KLF11: variants seen among roughly 807,000 people sequenced by gnomAD.
KLF11 encodes the protein Krueppel-like factor 11.
Under a neutral mutation model 29.9 loss-of-function variants are expected in KLF11, and 26 were observed. The ratio of observed to expected loss-of-function variants is 0.87; its 90% CI spans 0.64 to 1.21. KLF11 has a LOEUF of 1.21. KLF11 is among the 50% of genes most tolerant of loss of function. KLF11 has a pLI of 0.00. For missense variants in KLF11, 778 were observed against 665.7 expected, an observed-to-expected ratio of 1.17 and a Z score of -1.86; for synonymous variants, 318 against 257.4, an observed-to-expected ratio of 1.24 and a Z score of -2.25.
chr2:10,052,388 C>A lies in KLF11; in HGVS notation c.1420C>A (p.Arg474=). The A allele has an allele frequency of 6.2e-7, 1 of 1,614,112 alleles. No homozygotes were observed. The highest frequency in any genetic ancestry group is 8.5e-7 in the Non-Finnish European group (1 of 1,180,030). The stretch of plus-strand genomic sequence containing the variant: ...CAGTGACCACCTGACGAAGCATGCC[C>A]GGCGCCACATGACGACCAAGAAGAT... ...MRSDHLTKHA[R]RHMTTKKIPG... Residue 474 remains arginine, a synonymous_variant, in exon 4 of 4, where the codon CGG becomes AGG. Transcript: ENST00000305883.
rs148235172 is a variant in KLF11 at position 10,053,488 on chromosome 2, G to A, written c.*981G>A. 979 of 398,628 alleles carry A rather than the reference G, an allele frequency of 2.5e-3. 10 individuals carry two copies. Among genetic ancestry groups the A allele is most frequent in the African/African-American group, 0.019 (909 of 48,746 alleles). The allele number at this position is 398,628 out of a possible 1,614,324, so 24.7% of individuals were successfully genotyped here. The stretch of plus-strand genomic sequence containing the variant: ...CAGAAAAAAAGGAAATGTCTGTATT[G>A]GTTGGATGAAACTCCACCAGAGCAC... On this transcript the variant is annotated 3_prime_UTR_variant, in exon 4 of 4. Coordinates refer to ENST00000305883, the MANE Select transcript of KLF11 (RefSeq NM_003597.5).
intron 3 of KLF11, among the ~76,000 whole-genome samples, chr2:10,051,637 C>T (rs1275087236): frequency 6.6e-6 from 1 of 152,144 alleles, no homozygotes; most frequent in Non-Finnish European, 1.5e-5. Context: ...CCTGCCTTAG[C>T]CTCCCAAGTA....
chr2:10,043,821 G>T, intron 1 of KLF11, 63 bp downstream of exon 1: 9 of 1,308,670 alleles, frequency 6.9e-6, no homozygotes, highest in East Asian at 4.5e-5. Context: ...CGGGGGAAGT[G>T]GTGCGGCACT....
chr2:10,043,981 C>G (rs1661083052), intron 1 of KLF11: 1 of 869,666 alleles, frequency 1.1e-6, no homozygotes, highest in African/African-American at 1.8e-5. Context: ...GTGTTCCCCG[C>G]GCAGCTTTGT....
intron 2 of KLF11, 141 bp downstream of exon 2, chr2:10,046,560 A>G (rs1168832108): frequency 1.0e-6 from 1 of 965,552 alleles, no homozygotes; most frequent in African/African-American, 1.6e-5. Flanking sequence ...CTGAAGGAGT[A>G]GAAACTCTTC....
Position 10,053,369 on chromosome 2 carries a change from A to G in KLF11, c.*862A>G. 8 of 398,706 alleles carry G rather than the reference A, an allele frequency of 2.0e-5. No homozygotes were observed. Among genetic ancestry groups the G allele is most frequent in the Non-Finnish European group, 3.5e-5 (8 of 226,094 alleles). 24.7% of individuals were successfully genotyped at this position (398,706 alleles called of 1,614,324 possible). Reference sequence around the variant, plus strand: ...TTGTTTGTACCTAAAACACCAAAAAAGAAACACTCAAATCCAGCTGCTTTG... The same window carrying G: ...TTGTTTGTACCTAAAACACCAAAAAGGAAACACTCAAATCCAGCTGCTTTG... On this transcript the variant is annotated 3_prime_UTR_variant, in exon 4 of 4. Coordinates refer to ENST00000305883, the MANE Select transcript of KLF11 (RefSeq NM_003597.5).
chr2:10,043,576 C>G lies in KLF11; in HGVS notation c.-141C>G, dbSNP rs1012283559. ...CCGCGAGGGCCGCGCCGGGGCAGAG[C>G]CGCGCGGGCGGGCGAGGCGCGTGCC... On this transcript the variant is annotated 5_prime_UTR_variant, in exon 1 of 4. Transcript: ENST00000305883. 4.6e-6 allele frequency: 2 copies of G among 432,068 alleles called. No homozygotes were observed. Among genetic ancestry groups the G allele is most frequent in the African/African-American group, 4.4e-5 (2 of 45,832 alleles). 26.8% of individuals were successfully genotyped at this position (432,068 alleles called of 1,614,324 possible).
At chr2:10,048,694 C>G in intron 3 of KLF11, 99 bp downstream of exon 3, 4 of 892,074 alleles carry the variant, frequency 4.5e-6, no homozygotes, top group Non-Finnish European at 7.3e-6. Context: ...ATGAGAACCC[C>G]TGGCGAAGGT....
Position 10,046,361 on chromosome 2 carries a change from T to G in KLF11, c.254T>G (p.Val85Gly), listed in dbSNP as rs1261893618. ...VSDSGDVTTT[V>G]HMDAATPELP... Reference sequence around the variant, plus strand: ...GACTCTGGGGATGTCACCACCACTGTGCATATGGATGCAGCCACACCTGAA... The same window carrying G: ...GACTCTGGGGATGTCACCACCACTGGGCATATGGATGCAGCCACACCTGAA... Residue 85 changes from valine to glycine, a missense_variant, in exon 2 of 4, where the codon GTG (valine) becomes GGG (glycine). By Grantham distance (109) the Val-to-Gly change is moderately radical. Transcript: ENST00000305883. The G allele has an allele frequency of 1.9e-6, 3 of 1,614,216 alleles. No individual in the cohort carries two copies. The highest frequency in any genetic ancestry group is 2.5e-6 in the Non-Finnish European group (3 of 1,180,044).
Position 10,048,202 on chromosome 2 carries a change from A to G in KLF11, c.865A>G (p.Met289Val), listed in dbSNP as rs1661282272. 5 of 1,614,054 alleles carry G rather than the reference A, an allele frequency of 3.1e-6. No homozygotes were observed. The highest frequency in any genetic ancestry group is 4.2e-6 in the Non-Finnish European group (5 of 1,180,034). The change falls in exon 3 of 4, where the codon ATG (methionine) becomes GTG (valine). Residue 289 changes from methionine (M) to valine (V), a missense_variant. Coordinates refer to ENST00000305883, the MANE Select transcript of KLF11 (RefSeq NM_003597.5). ...SVPAPPVLCQ[M>V]IPVTGQSSML... ...CCCTGCTCCCCCTGTCCTTTGCCAG[A>G]TGATCCCTGTGACTGGACAAAGTAG... is the stretch of plus-strand genomic sequence containing the variant.
intron 1 of KLF11, among the ~76,000 whole-genome samples, chr2:10,045,071 G>C (rs1031596443): frequency 2.6e-5 from 4 of 152,070 alleles, no homozygotes; most frequent in African/African-American, 9.7e-5. Flanking sequence ...GCTTGAACCT[G>C]GGAGGCAGAA....
chr2:10,051,482 C>T (rs1661403255), intron 3 of KLF11, among the ~76,000 whole-genome samples: 2 of 152,278 alleles, frequency 1.3e-5, no homozygotes, highest in Non-Finnish European at 2.9e-5. Flanking sequence ...GCTGGGATTA[C>T]AGGCGTGAGC....
Position 10,047,647 on chromosome 2 carries a change from T to A in KLF11, c.313-3T>A. The A allele has an allele frequency of 6.2e-7, 1 of 1,610,366 alleles. No individual in the cohort carries two copies. The highest frequency in any genetic ancestry group is 1.7e-5 in the Admixed American group (1 of 59,988). On this transcript the variant is annotated splice_region_variant and splice_polypyrimidine_tract_variant and intron_variant, in intron 2 of 3. Transcript: ENST00000305883. The stretch of plus-strand genomic sequence containing the variant: ...CCTTTTAACATGGTACTTTTTTTTT[T>A]AGTGCATAACTCCTCCTCAGAGCCC...
rs762122078 is a variant in KLF11 at position 10,043,761 on chromosome 2, G to A, written c.42+3G>A. 21 of 1,378,528 alleles carry A rather than the reference G, an allele frequency of 1.5e-5. 1 individual carries two copies. The South Asian group carries it at 2.3e-4, about 15-fold the overall frequency. The allele number at this position is 1,378,528 out of a possible 1,614,324, so 85.4% of individuals were successfully genotyped here. A position where few individuals can be genotyped will look rare whatever the true frequency, so the allele number is the denominator to read the frequency against. On this transcript the variant is annotated splice_donor_region_variant and intron_variant, in intron 1 of 3. Transcript: ENST00000305883. ...CAGGCCCAGACGACGCGCGCGCAGT[G>A]AGTGGTGGGGCTGCCGCGGCGGGAC...
At chr2:10,045,315 G>A (rs1661157534) in intron 1 of KLF11, among the ~76,000 whole-genome samples, 3 of 152,188 alleles carry the variant, frequency 2.0e-5, no homozygotes, top group Non-Finnish European at 4.4e-5. Flanking sequence ...AGCTACTCTG[G>A]AGGCTGAGGC....
intron 2 of KLF11, among the ~76,000 whole-genome samples, chr2:10,047,085 A>G (rs1661229971): frequency 6.6e-6 from 1 of 152,104 alleles, no homozygotes; most frequent in Non-Finnish European, 1.5e-5. Context: ...GAAAGCATGT[A>G]CTTTGACATC....
Position 10,052,579 on chromosome 2 carries a change from C to G in KLF11, c.*72C>G. On this transcript the variant is annotated 3_prime_UTR_variant, in exon 4 of 4. Transcript: ENST00000305883. ...CCAGGAATGGAACTGATGGATTCCT[C>G]TCCCACTGCCTCACCCAAAAAAAAC... The G allele has an allele frequency of 6.7e-7, 1 of 1,498,460 alleles. No individual in the cohort carries two copies. The highest frequency in any genetic ancestry group is 9.2e-7 in the Non-Finnish European group (1 of 1,092,050). 92.8% of individuals were successfully genotyped at this position (1,498,460 alleles called of 1,614,324 possible).
chr2:10,046,484 TGAA>T (rs1434587919), intron 2 of KLF11, 65 bp downstream of exon 2: 3 of 1,562,150 alleles, frequency 1.9e-6, no homozygotes, highest in East Asian at 2.2e-5. Flanking sequence ...CTCAGTGTGT[TGAA>T]GAACTTGTGA....
rs369325594 is a variant in KLF11 at position 10,044,548 on chromosome 2, G to A, written c.42+790G>A. On this transcript the variant is annotated intron_variant, in intron 1 of 3. Transcript: ENST00000305883. ...CGGGGATTTGAGGTGGCCTCGTCTT[G>A]TTTGATCTCGGGGAACCTCGGCAGA... 2.7e-5 allele frequency: 17 copies of A among 623,118 alleles called. No homozygotes were observed. The Admixed American group carries it at 3.8e-4, about 14-fold the overall frequency. 38.6% of individuals were successfully genotyped at this position (623,118 alleles called of 1,614,324 possible). A position where few individuals can be genotyped will look rare whatever the true frequency, so the allele number is the denominator to read the frequency against.
Sources: gnomAD v4.1 joint callset for allele counts (sites outside exome capture counted in the v4.1 genomes callset) on GRCh38, gnomAD v4.1.1 for gene constraint, MANE v1.5 for transcripts, NCBI Gene and HGNC (gene_info 2026-07-23, HGNC 2026-07-21) for gene names.